ITGBL1: variants seen among roughly 807,000 people sequenced by gnomAD.
The protein encoded by ITGBL1 is integrin beta-like protein 1.
In ITGBL1, 51 loss-of-function variants were observed where a neutral mutation model predicts 68.5. The ratio of observed to expected loss-of-function variants is 0.74; its 90% CI spans 0.59 to 0.94. The LOEUF (loss-of-function observed/expected upper bound fraction) is 0.94. Among genes scored for constraint, ITGBL1 ranks in the 40% least tolerant of loss-of-function variants. The pLI, the probability that ITGBL1 is intolerant of heterozygous loss-of-function variation, is 0.00. For synonymous variants in ITGBL1, 209 were observed against 227.3 expected (o/e 0.92, Z 0.72); for missense variants, 649 against 647.4 (o/e 1.00, Z -0.03).
intron 7 of ITGBL1, among the ~76,000 whole-genome samples, chr13:101,638,436 A>T (rs1330203084): frequency 4.8e-4 from 3 of 6,256 alleles, no homozygotes; most frequent in African/African-American, 1.7e-3. Flanking sequence ...TTAAAAAATA[A>T]AAAAAAAAAA....
intron 7 of ITGBL1, among the ~76,000 whole-genome samples, chr13:101,675,503 C>G (rs1231575738): frequency 6.6e-6 from 1 of 152,064 alleles, no homozygotes; most frequent in Non-Finnish European, 1.5e-5. Flanking sequence ...CATAGCCTTC[C>G]CTTTGTGTCT....
intron 7 of ITGBL1, among the ~76,000 whole-genome samples, chr13:101,604,715 G>T (rs1382187342): frequency 1.3e-5 from 2 of 149,544 alleles, no homozygotes; most frequent in Non-Finnish European, 3.0e-5. Flanking sequence ...TGCAGCTGTG[G>T]TTACATGAGT....
intron 7 of ITGBL1, among the ~76,000 whole-genome samples, chr13:101,629,314 G>A (rs552069538): frequency 6.6e-6 from 1 of 152,120 alleles, no homozygotes; most frequent in Non-Finnish European, 1.5e-5. Context: ...TATCATAATT[G>A]ACATATTTGA....
chr13:101,566,916 A>G (rs1594894324), intron 2 of ITGBL1, among the ~76,000 whole-genome samples: 2 of 152,278 alleles, frequency 1.3e-5, no homozygotes, highest in Admixed American at 6.5e-5. Flanking sequence ...CTGGCTGACA[A>G]TCACATCAGC....
At chr13:101,646,080 A>G (rs2032545953) in intron 7 of ITGBL1, among the ~76,000 whole-genome samples, 1 of 152,156 alleles carries the variant, frequency 6.6e-6, no homozygotes, top group South Asian at 2.1e-4. Context: ...GAGCTGCTGG[A>G]CAGTATCCAC....
chr13:101,655,269 T>C (rs1003582417), intron 7 of ITGBL1, among the ~76,000 whole-genome samples: 1 of 152,308 alleles, frequency 6.6e-6, no homozygotes, highest in African/African-American at 2.4e-5. Flanking sequence ...AGAATGGATG[T>C]TTTGTTTTAT....
At position 101,709,371 on chromosome 13, in the gene ITGBL1, CAAAAAAAAAA is replaced by C. The variant is rs747662212; in HGVS notation, c.1279+2487_1279+2496del. Among the ~76,000 whole-genome samples, 48 of 61,190 alleles carry C rather than the reference CAAAAAAAAAA, an allele frequency of 7.8e-4. No individual in the cohort carries two copies. In the South Asian group the frequency reaches 0.02, roughly 26 times the overall value. The allele number at this position is 61,190 out of a possible 152,430, so 40.1% of individuals were successfully genotyped here. On this transcript the variant is annotated intron_variant, in intron 9 of 10. Transcript: ENST00000376180. ...TGGGTGACAGAGCGAGACTCCGTCT[CAAAAAAAAAA>C]AAAAAAAAAAAAAAAAAGAAAAGCA... is the stretch of plus-strand genomic sequence containing the variant.
chr13:101,549,335 G>A (rs1452446395), intron 2 of ITGBL1, among the ~76,000 whole-genome samples: 1 of 151,788 alleles, frequency 6.6e-6, no homozygotes, highest in Non-Finnish European at 1.5e-5. Flanking sequence ...AAACTTTCAA[G>A]AAGAAAGCAT....
chr13:101,509,097 A>G (rs1000221033), intron 2 of ITGBL1, among the ~76,000 whole-genome samples: 3 of 152,178 alleles, frequency 2.0e-5, no homozygotes, highest in African/African-American at 7.2e-5. Context: ...AAAGAGGTTT[A>G]ATGGACTTAT....
chr13:101,684,921 A>C (rs142669353), intron 7 of ITGBL1, among the ~76,000 whole-genome samples: 125 of 151,984 alleles, frequency 8.2e-4, no homozygotes, highest in African/African-American at 2.7e-3. Flanking sequence ...GTTAGAGGAC[A>C]TTTTATTTGG....
At chr13:101,466,895 C>T (rs2048389263) in intron 2 of ITGBL1, among the ~76,000 whole-genome samples, 1 of 152,110 alleles carries the variant, frequency 6.6e-6, no homozygotes, top group Non-Finnish European at 1.5e-5. Context: ...ATTCAGGCTG[C>T]TGTAACAAGA....
chr13:101,623,604 C>A (rs1013182548), intron 7 of ITGBL1, among the ~76,000 whole-genome samples: 1 of 152,170 alleles, frequency 6.6e-6, no homozygotes, highest in Non-Finnish European at 1.5e-5. Context: ...TAACTCAAAT[C>A]TCCTGTTGAC....
chr13:101,666,839 A>G (rs1246059666), intron 7 of ITGBL1, among the ~76,000 whole-genome samples: 1 of 152,172 alleles, frequency 6.6e-6, no homozygotes, highest in African/African-American at 2.4e-5. Context: ...TGTTACGGAC[A>G]GGCAAGGTCA....
rs975686686 is a variant in ITGBL1, at chr13:101,693,620, G to A, written c.1132+919G>A. 9.8e-4 allele frequency among the ~76,000 whole-genome samples: 97 copies of A among 99,394 alleles called. No homozygotes were observed. In the South Asian group the frequency reaches 0.027, roughly 28 times the overall value. 65.2% of individuals were successfully genotyped at this position (99,394 alleles called of 152,430 possible). On this transcript the variant is annotated intron_variant, in intron 8 of 10. Transcript: ENST00000376180. The stretch of plus-strand genomic sequence containing the variant: ...CACCATCCATCCATCCTATCTGTCT[G>A]TCTGTCTATCTATCTATCTATCTAT...
At chr13:101,692,369 C>T (rs2033899305) in intron 7 of ITGBL1, among the ~76,000 whole-genome samples, 1 of 152,176 alleles carries the variant, frequency 6.6e-6, no homozygotes, top group South Asian at 2.1e-4. Context: ...ACTTCTGAGA[C>T]AGCAACTGCC....
intron 7 of ITGBL1, among the ~76,000 whole-genome samples, chr13:101,606,920 TAAAC>T (rs984905098): frequency 1.8e-4 from 27 of 152,116 alleles, no homozygotes; most frequent in African/African-American, 6.5e-4. Context: ...TAAGCCAAGA[TAAAC>T]AAACACAGCA....
intron 9 of ITGBL1, among the ~76,000 whole-genome samples, chr13:101,708,490 G>A (rs2034312875): frequency 6.6e-6 from 1 of 152,148 alleles, no homozygotes; most frequent in Admixed American, 6.5e-5. Context: ...AAGTGTGCTA[G>A]AGACACTGAA....
At chr13:101,691,325 C>G (rs551061949) in intron 7 of ITGBL1, among the ~76,000 whole-genome samples, 1 of 152,292 alleles carries the variant, frequency 6.6e-6, no homozygotes, top group East Asian at 1.9e-4. Flanking sequence ...GGGATCGTGA[C>G]CCCATCATGT....
intron 7 of ITGBL1, among the ~76,000 whole-genome samples, chr13:101,667,141 C>T (rs2033239093): frequency 6.6e-6 from 1 of 152,130 alleles, no homozygotes. Context: ...GGTCCATTCT[C>T]ATGAACATTT....
Sources: gnomAD v4.1 joint callset for allele counts (sites outside exome capture counted in the v4.1 genomes callset) on GRCh38, gnomAD v4.1.1 for gene constraint, MANE v1.5 for transcripts, NCBI Gene and HGNC (gene_info 2026-07-23, HGNC 2026-07-21) for gene names.